The following ZMYND11 variants were observed in gnomAD, a reference collection of about 807,000 sequenced individuals.
ZMYND11 encodes the protein zinc finger MYND domain-containing protein 11.
ZMYND11 carries 9 observed loss-of-function variants against 84.9 expected under a neutral mutation model. That is an observed-to-expected ratio of 0.11 (90% CI 0.06 to 0.18). The LOEUF (loss-of-function observed/expected upper bound fraction) is 0.18. Ranked by LOEUF, ZMYND11 falls within the 10% of genes least tolerant of loss-of-function variation. ZMYND11 has a pLI of 1.00. For synonymous variants in ZMYND11, 250 were observed against 244.1 expected (o/e 1.02, Z -0.23); for missense variants, 409 against 761.0 (o/e 0.54, Z 5.44).
chr10:170,903 G>A (rs1434408656), intron 1 of ZMYND11, among the ~76,000 whole-genome samples: 1 of 152,074 alleles, frequency 6.6e-6, no homozygotes, highest in Admixed American at 6.6e-5. Flanking sequence ...GATTGTGAGA[G>A]TGGGTCAAAA....
chr10:142,450 A>G (rs1225695735), intron 1 of ZMYND11, among the ~76,000 whole-genome samples: 1 of 152,136 alleles, frequency 6.6e-6, no homozygotes, highest in African/African-American at 2.4e-5. Flanking sequence ...CGCATATCCC[A>G]TTTAGTCCTC....
chr10:154,676 A>G (rs1841278583), intron 1 of ZMYND11, among the ~76,000 whole-genome samples: 1 of 152,256 alleles, frequency 6.6e-6, no homozygotes, highest in African/African-American at 2.4e-5. Flanking sequence ...GAATCGATGT[A>G]GGTAAAATAG....
intron 1 of ZMYND11, among the ~76,000 whole-genome samples, chr10:157,315 T>C (rs1050341306): frequency 3.3e-5 from 5 of 152,150 alleles, no homozygotes; most frequent in Admixed American, 3.3e-4. Flanking sequence ...TTCTCCTGCC[T>C]CAGCCTTCCA....
chr10:165,728 CAG>C lies in ZMYND11; in HGVS notation c.-19-14263_-19-14262del, dbSNP rs1220655611. Among the ~76,000 whole-genome samples, 10 of 152,184 alleles carry C rather than the reference CAG, an allele frequency of 6.6e-5. 1 individual carries two copies. In the South Asian group the frequency reaches 8.3e-4, roughly 13 times the overall value. ...TTTTCCTCATTCTACACCCTGTAGCCAGAGTTAACTTAAAAAACCCATTATTT... is the reference window on the plus strand; with the variant it reads ...TTTTCCTCATTCTACACCCTGTAGCCAGTTAACTTAAAAAACCCATTATTT... On this transcript the variant is annotated intron_variant, in intron 1 of 14. Transcript: ENST00000381604.
intron 14 of ZMYND11, chr10:249,755 G>C (rs2131994900): frequency 1.0e-6 from 1 of 985,290 alleles, no homozygotes; most frequent in Non-Finnish European, 1.2e-6. Flanking sequence ...CTTGGTTTCA[G>C]TTTTAATAAA....
intron 7 of ZMYND11, 35 bp from the exon 8 acceptor site, chr10:240,021 T>G: frequency 6.4e-7 from 1 of 1,572,556 alleles, no homozygotes; most frequent in Non-Finnish European, 8.7e-7. Flanking sequence ...ATTTGCAGAC[T>G]ATTGCTTATA....
chr10:146,671 T>G (rs1313402967), intron 1 of ZMYND11, among the ~76,000 whole-genome samples: 1 of 152,222 alleles, frequency 6.6e-6, no homozygotes, highest in East Asian at 1.9e-4. Context: ...TTGATTTGAT[T>G]TCTTAGTGAT....
intron 1 of ZMYND11, among the ~76,000 whole-genome samples, chr10:156,942 T>C (rs1183654440): frequency 6.6e-6 from 1 of 152,226 alleles, no homozygotes; most frequent in Non-Finnish European, 1.5e-5. Flanking sequence ...GGCTGTCTTA[T>C]GTTCTTTGAT....
chr10:172,207 C>T (rs540639608), intron 1 of ZMYND11, among the ~76,000 whole-genome samples: 13 of 152,202 alleles, frequency 8.5e-5, no homozygotes, highest in African/African-American at 1.9e-4. Context: ...TAATTTCCCA[C>T]GTGAATTTTG....
At chr10:171,099 G>A (rs951271064) in intron 1 of ZMYND11, among the ~76,000 whole-genome samples, 5 of 152,094 alleles carry the variant, frequency 3.3e-5, no homozygotes, top group Non-Finnish European at 7.4e-5. Context: ...AATGATAAAG[G>A]AGTCAATATT....
chr10:219,555 T>C (rs777349874), intron 3 of ZMYND11, among the ~76,000 whole-genome samples: 12 of 152,184 alleles, frequency 7.9e-5, no homozygotes, highest in Non-Finnish European at 1.6e-4. Context: ...AATATAATAA[T>C]TGATAAATTG....
At chr10:222,121 A>T (rs1273087588) in intron 4 of ZMYND11, among the ~76,000 whole-genome samples, 1 of 152,208 alleles carries the variant, frequency 6.6e-6, no homozygotes, top group East Asian at 1.9e-4. Context: ...CTTATTTGGA[A>T]CCATGCACAT....
intron 1 of ZMYND11, among the ~76,000 whole-genome samples, chr10:158,984 G>GT (rs376931420): frequency 0.34 from 13,072 of 38,260 alleles, 2,269 homozygotes; most frequent in South Asian, 0.44. Flanking sequence ...AGGGTTTTTT[G>GT]TTTTTTGTTT....
chr10:133,994 T>C (rs1021294039), upstream of ZMYND11, among the ~76,000 whole-genome samples: 1 of 152,156 alleles, frequency 6.6e-6, no homozygotes, highest in Non-Finnish European at 1.5e-5. Flanking sequence ...CAGATTGATA[T>C]ATTTTATCAG....
chr10:176,639 T>TTTTGTACAAAAGCAATACA (rs1329343954), intron 1 of ZMYND11, among the ~76,000 whole-genome samples: 1 of 152,202 alleles, frequency 6.6e-6, no homozygotes, highest in Non-Finnish European at 1.5e-5. Flanking sequence ...TACAAAATAC[T>TTTTGTACAAAAGCAATACA]TTTGTACAAA....
chr10:197,048 C>G, intron 2 of ZMYND11, among the ~76,000 whole-genome samples: 2 of 148,394 alleles, frequency 1.3e-5, no homozygotes, highest in African/African-American at 2.5e-5. Flanking sequence ...CGTGTGTGCC[C>G]ACGTGCGCAA....
chr10:139,704 CTTTTTTTTTTTT>C (rs67915368), intron 1 of ZMYND11, among the ~76,000 whole-genome samples: 2 of 80,238 alleles, frequency 2.5e-5, no homozygotes, highest in South Asian at 1.2e-3. Context: ...ACACATGGTC[CTTTTTTTTTTTT>C]TTTTTTTTTT....
chr10:170,256 T>TA (rs1227126884), intron 1 of ZMYND11, among the ~76,000 whole-genome samples: 7 of 152,078 alleles, frequency 4.6e-5, no homozygotes, highest in Admixed American at 6.6e-5. Flanking sequence ...TAATAAATGT[T>TA]AAAAAAAGTT....
chr10:161,996 T>C (rs1843035087), intron 1 of ZMYND11, among the ~76,000 whole-genome samples: 1 of 152,246 alleles, frequency 6.6e-6, no homozygotes, highest in Non-Finnish European at 1.5e-5. Context: ...TTTCCGCCTG[T>C]CTTGGCTTTC....
Sources: allele counts gnomAD v4.1 joint callset (sites outside exome capture counted in the v4.1 genomes callset), GRCh38; gene constraint gnomAD v4.1.1; transcripts MANE v1.5; gene names NCBI Gene and HGNC (gene_info 2026-07-23, HGNC 2026-07-21).